The following ARID2 variants were observed in gnomAD, a reference collection of about 807,000 sequenced individuals.
The protein encoded by ARID2 is AT-rich interactive domain-containing protein 2.
A neutral mutation model predicts 184.6 loss-of-function variants in ARID2; 32 were observed. The observed-to-expected ratio is 0.17, with a 90% CI of 0.13 to 0.23. The LOEUF is 0.23. Among genes scored for constraint, ARID2 ranks in the 10% least tolerant of loss-of-function variants. ARID2 has a pLI of 1.00. For missense variants in ARID2, 1,696 were observed against 2,197.6 expected, an observed-to-expected ratio of 0.77 and a Z score of 4.56; for synonymous variants, 836 against 772.6, an observed-to-expected ratio of 1.08 and a Z score of -1.36.
intron 15 of ARID2, 141 bp downstream of exon 15, chr12:45,853,037 T>A: frequency 7.8e-7 from 1 of 1,275,358 alleles, no homozygotes; most frequent in Non-Finnish European, 1.0e-6. Context: ...TCCTTTTCTT[T>A]TTCTCTGGTT....
chr12:45,819,069 G>A (rs1476770457), intron 5 of ARID2, among the ~76,000 whole-genome samples: 1 of 152,138 alleles, frequency 6.6e-6, no homozygotes, highest in Non-Finnish European at 1.5e-5. Flanking sequence ...GTAGAATGGA[G>A]TTGAAAATTG....
rs766117243 is a variant in ARID2 at position 45,852,450 on chromosome 12, A to G, written c.4327A>G (p.Ser1443Gly). ...EASNAATQQFSGTDLLNGPLA... is the reference protein window; with the variant it reads ...EASNAATQQFGGTDLLNGPLA... ...TTCAAATGCGGCAACACAGCAATTTAGTGGTACTGATTTGCTTAATGGACC... is the reference window on the plus strand; with the variant it reads ...TTCAAATGCGGCAACACAGCAATTTGGTGGTACTGATTTGCTTAATGGACC... The change falls in exon 15 of 21, where the codon AGT becomes GGT. Residue 1443 changes from serine to glycine, a missense_variant. Transcript: ENST00000334344. 32 of 1,614,102 alleles carry G rather than the reference A, an allele frequency of 2.0e-5. No homozygotes were observed. The South Asian group carries it at 3.5e-4, about 18-fold the overall frequency.
At chr12:45,861,226 A>G (rs1943740997) in intron 16 of ARID2, among the ~76,000 whole-genome samples, 1 of 152,194 alleles carries the variant, frequency 6.6e-6, no homozygotes, top group Non-Finnish European at 1.5e-5. Flanking sequence ...ATTTAATTAT[A>G]TATTTGGCTG....
intron 5 of ARID2, among the ~76,000 whole-genome samples, chr12:45,820,364 T>C (rs1033548056): frequency 4.6e-5 from 7 of 152,290 alleles, no homozygotes; most frequent in Admixed American, 2.0e-4. Context: ...CTTTACAAAC[T>C]TTATTTTACT....
At chr12:45,868,381 C>T (rs936080840) in intron 16 of ARID2, among the ~76,000 whole-genome samples, 5 of 152,156 alleles carry the variant, frequency 3.3e-5, no homozygotes, top group Non-Finnish European at 1.5e-5. Flanking sequence ...GCAGAGGTTG[C>T]AGCAAGCCGA....
chr12:45,826,168 A>G (rs1156586787), intron 6 of ARID2, among the ~76,000 whole-genome samples: 2 of 152,078 alleles, frequency 1.3e-5, no homozygotes, highest in Non-Finnish European at 2.9e-5. Flanking sequence ...ACTTGAATTA[A>G]AAGTTAATAT....
At chr12:45,770,862 C>G (rs1437744362) in intron 3 of ARID2, among the ~76,000 whole-genome samples, 1 of 152,186 alleles carries the variant, frequency 6.6e-6, no homozygotes, top group African/African-American at 2.4e-5. Flanking sequence ...GACAGGTTCT[C>G]AATCCAGTCC....
chr12:45,731,305 A>G lies in ARID2; in HGVS notation c.275A>G (p.Tyr92Cys), dbSNP rs772882172. ...CSNAAFALKQ[Y>C]YLRYLEKYEK... ...AACGCTGCCTTTGCTTTAAAACAGT[A>G]TTACTTGCGGTGAGTAGTAGTGACT... The change falls in exon 3 of 21, where the codon TAT (tyrosine) becomes TGT (cysteine). Residue 92 changes from tyrosine to cysteine, a missense_variant. Transcript: ENST00000334344. The G allele has an allele frequency of 1.9e-6, 3 of 1,612,792 alleles. No homozygotes were observed. The highest frequency in any genetic ancestry group is 1.7e-6 in the Non-Finnish European group (2 of 1,178,876).
chr12:45,881,994 G>A, intron 16 of ARID2: 1 of 196,492 alleles, frequency 5.1e-6, no homozygotes, highest in South Asian at 9.5e-5. Flanking sequence ...CTGGGGCTGG[G>A]TGACTTCCCT....
At chr12:45,808,345 GCATCTCA>G (rs1565603998) in intron 3 of ARID2, among the ~76,000 whole-genome samples, 1 of 152,096 alleles carries the variant, frequency 6.6e-6, no homozygotes, top group African/African-American at 2.4e-5. Flanking sequence ...AAATCTTTTT[GCATCTCA>G]GTTGGAAATA....
intron 11 of ARID2, among the ~76,000 whole-genome samples, chr12:45,845,062 G>C (rs1943417317): frequency 6.6e-6 from 1 of 152,160 alleles, no homozygotes; most frequent in South Asian, 2.1e-4. Context: ...TCCTCAGTTT[G>C]TGGCTACTTT....
intron 3 of ARID2, among the ~76,000 whole-genome samples, chr12:45,800,818 T>C (rs1942484805): frequency 6.6e-6 from 1 of 152,040 alleles, no homozygotes; most frequent in South Asian, 2.1e-4. Flanking sequence ...GGGATCCCAG[T>C]GGCCAAATCT....
At chr12:45,764,616 A>G (rs1941739538) in intron 3 of ARID2, among the ~76,000 whole-genome samples, 1 of 152,242 alleles carries the variant, frequency 6.6e-6, no homozygotes, top group Admixed American at 6.5e-5. Flanking sequence ...ATAATACTGT[A>G]TGAAGCCTTT....
intron 16 of ARID2, among the ~76,000 whole-genome samples, chr12:45,877,645 T>C (rs1944031824): frequency 6.6e-6 from 1 of 152,150 alleles, no homozygotes; most frequent in Non-Finnish European, 1.5e-5. Flanking sequence ...AAGTGGTCCC[T>C]GGTACCAAAA....
chr12:45,835,088 T>C (rs1943194121), intron 6 of ARID2, among the ~76,000 whole-genome samples: 1 of 152,160 alleles, frequency 6.6e-6, no homozygotes, highest in Non-Finnish European at 1.5e-5. Context: ...ACTTATTTAC[T>C]TGCCCTCTCT....
Position 45,729,724 on chromosome 12 carries a change from C to CCCGCCG in ARID2, c.-106_-101dup. ...CGCCACCGCCGGCCCATGACTGAGC[C>CCCGCCG]CCGCCGCCGCCGGCCGAGGAATGGG... On this transcript the variant is annotated 5_prime_UTR_variant, in exon 1 of 21. Coordinates refer to ENST00000334344, the MANE Select transcript of ARID2 (RefSeq NM_152641.4). 1 of 1,091,320 alleles carries CCCGCCG rather than the reference C, an allele frequency of 9.2e-7. No individual in the cohort carries two copies. 67.6% of individuals were successfully genotyped at this position (1,091,320 alleles called of 1,614,324 possible).
At position 45,851,719 on chromosome 12, in the gene ARID2, C is replaced by G. The variant is rs1357272006; in HGVS notation, c.3596C>G (p.Ala1199Gly). Residue 1199 changes from alanine (A) to glycine (G), a missense_variant, in exon 15 of 21, where the codon GCA becomes GGA. Ala to Gly is a moderately conservative substitution (Grantham distance 60). Transcript: ENST00000334344. ...QGNATQLIAP[A>G]GITMSGTQTG... ...AATGCAACTCAGCTCATTGCTCCAG[C>G]AGGAATTACCATGAGCGGAACGCAG... 6.2e-7 allele frequency: 1 copy of G among 1,614,148 alleles called. No homozygotes were observed. Among genetic ancestry groups the G allele is most frequent in the Non-Finnish European group, 8.5e-7 (1 of 1,180,004 alleles).
chr12:45,807,145 T>G (rs1942617426), intron 3 of ARID2, among the ~76,000 whole-genome samples: 2 of 152,222 alleles, frequency 1.3e-5, no homozygotes, highest in South Asian at 4.1e-4. Flanking sequence ...GCTTTAAATG[T>G]ATCAGAATTT....
At chr12:45,735,605 C>T (rs1055308248) in intron 3 of ARID2, among the ~76,000 whole-genome samples, 2 of 151,974 alleles carry the variant, frequency 1.3e-5, no homozygotes, top group Admixed American at 1.3e-4. Flanking sequence ...CAAAAGTGAG[C>T]CACTGAGCCT....
Sources: allele counts gnomAD v4.1 joint callset (sites outside exome capture counted in the v4.1 genomes callset), GRCh38; gene constraint gnomAD v4.1.1; transcripts MANE v1.5; gene names NCBI Gene and HGNC (gene_info 2026-07-23, HGNC 2026-07-21).